COG4: variants seen among roughly 807,000 people sequenced by gnomAD.
COG4 encodes the protein conserved oligomeric Golgi complex subunit 4.
COG4 carries 65 observed loss-of-function variants against 95.1 expected under a neutral mutation model. The ratio of observed to expected loss-of-function variants is 0.68; its 90% CI spans 0.56 to 0.84. The LOEUF is 0.84. Among genes scored for constraint, COG4 ranks in the 40% least tolerant of loss-of-function variants. The pLI, the probability that COG4 is intolerant of heterozygous loss-of-function variation, is 0.00. For missense variants in COG4, 1,045 were observed against 989.1 expected (o/e 1.06, Z -0.76); for synonymous variants, 421 against 374.8 (o/e 1.12, Z -1.42).
chr16:70,482,836 G>C lies in COG4; in HGVS notation c.1828-15C>G, dbSNP rs1198036317. 3 of 1,608,170 alleles carry C rather than the reference G, an allele frequency of 1.9e-6. No homozygotes were observed. The highest frequency in any genetic ancestry group is 2.6e-6 in the Non-Finnish European group (3 of 1,174,980). ...GTCAGCCCTTCCTGCACAAGGACAA[G>C]GTGGAGACATGTGACACAGAAGGCA... On this transcript the variant is annotated splice_polypyrimidine_tract_variant and intron_variant, in intron 14 of 18. Transcript: ENST00000323786.
At chr16:70,485,205 C>CT (rs1262821692) in intron 13 of COG4, among the ~76,000 whole-genome samples, 14,672 of 130,380 alleles carry the variant, frequency 0.11, 2,905 homozygotes, top group African/African-American at 0.4. Context: ...CCCTGTCTCT[C>CT]TTTTTTTTTT....
At chr16:70,494,867 CT>C (rs1362948447) in intron 12 of COG4, among the ~76,000 whole-genome samples, 1 of 152,116 alleles carries the variant, frequency 6.6e-6, no homozygotes, top group Non-Finnish European at 1.5e-5. Context: ...TGGATCTGAT[CT>C]TTTTTTGGCA....
intron 6 of COG4, 80 bp downstream of exon 6, chr16:70,509,836 C>G: frequency 9.7e-7 from 1 of 1,032,266 alleles, no homozygotes; most frequent in Non-Finnish European, 1.5e-6. Context: ...AGTCATCAGG[C>G]TAGAAGGGTG....
chr16:70,497,201 A>C lies in COG4; in HGVS notation c.1481+20T>G. 1 of 1,613,320 alleles carries C rather than the reference A, an allele frequency of 6.2e-7. No individual in the cohort carries two copies. Among genetic ancestry groups the C allele is most frequent in the Non-Finnish European group, 8.5e-7 (1 of 1,179,322 alleles). On this transcript the variant is annotated intron_variant, in intron 11 of 18. Transcript: ENST00000323786. Reference sequence around the variant, plus strand: ...GGAAGGGCCTTTCTGCCTAGAAAGGAGAAAGGGAGTCAACTGTACCTGAAG... The same window carrying C: ...GGAAGGGCCTTTCTGCCTAGAAAGGCGAAAGGGAGTCAACTGTACCTGAAG...
chr16:70,517,302 G>A (rs1012586966), intron 3 of COG4, among the ~76,000 whole-genome samples: 2 of 151,964 alleles, frequency 1.3e-5, no homozygotes, highest in Non-Finnish European at 1.5e-5. Flanking sequence ...AGGCCGAGGC[G>A]GGCAGATCAC....
rs1215483236 is a variant in COG4, at chr16:70,482,753, G to T, written c.1896C>A (p.Phe632Leu). The T allele has an allele frequency of 1.9e-6, 3 of 1,613,880 alleles. No individual in the cohort carries two copies. Among genetic ancestry groups the T allele is most frequent in the Non-Finnish European group, 2.5e-6 (3 of 1,179,904 alleles). ...PQVQPWINSF[F>L]SVSHNIEEEE... ...CCTCCTCGATGTTGTGGGAGACGGAGAAAAAGCTGTTGATCCAAGGCTGCA... is the reference window on the plus strand; with the variant it reads ...CCTCCTCGATGTTGTGGGAGACGGATAAAAAGCTGTTGATCCAAGGCTGCA... The change falls in exon 15 of 19, where the codon TTC (phenylalanine) becomes TTA (leucine). Residue 632 changes from phenylalanine to leucine, a missense_variant. Physicochemically the swap from Phe to Leu is conservative, Grantham distance 22. Transcript: ENST00000323786.
chr16:70,480,903 G>T lies in COG4; in HGVS notation c.*107C>A. On this transcript the variant is annotated 3_prime_UTR_variant, in exon 19 of 19. Transcript: ENST00000323786. ...TGCTGCCAGCCGTAGAAAGGTCTGG[G>T]CTGTCAGATCTCCCCCAAGCCAGAC... The T allele has an allele frequency of 1.5e-6, 2 of 1,341,742 alleles. No homozygotes were observed. The highest frequency in any genetic ancestry group is 2.3e-5 in the East Asian group (1 of 43,392). 83.1% of individuals were successfully genotyped at this position (1,341,742 alleles called of 1,614,324 possible). A position where few individuals can be genotyped will look rare whatever the true frequency, so the allele number is the denominator to read the frequency against.
intron 5 of COG4, among the ~76,000 whole-genome samples, chr16:70,510,642 C>T (rs1203091464): frequency 6.6e-6 from 1 of 152,000 alleles, no homozygotes; most frequent in Non-Finnish European, 1.5e-5. Context: ...ATTAACAGTG[C>T]TTTCTCAAGC....
intron 9 of COG4, 43 bp downstream of exon 9, chr16:70,500,915 A>G: frequency 6.2e-7 from 1 of 1,612,498 alleles, no homozygotes; most frequent in Non-Finnish European, 8.5e-7. Context: ...AACACTGCCA[A>G]TTATACCTCA....
Position 70,496,411 on chromosome 16 carries a change from A to G in COG4, c.1502T>C (p.Leu501Pro). The G allele has an allele frequency of 2.5e-6, 4 of 1,614,152 alleles. No homozygotes were observed. The highest frequency in any genetic ancestry group is 3.4e-6 in the Non-Finnish European group (4 of 1,180,034). Reference protein sequence around the residue: ...SDFRDVLCNKLRMGFPATTFQ... With the variant: ...SDFRDVLCNKPRMGFPATTFQ... ...GGTGGTGGCAGGAAAGCCCATCCGCAGCTTATTACACAGAACATCCCTGGG... is the reference window on the plus strand; with the variant it reads ...GGTGGTGGCAGGAAAGCCCATCCGCGGCTTATTACACAGAACATCCCTGGG... Residue 501 changes from leucine (L) to proline (P), a missense_variant, in exon 12 of 19, where the codon CTG (leucine) becomes CCG (proline). By Grantham distance (98) the Leu-to-Pro change is moderately conservative. Transcript: ENST00000323786.
chr16:70,518,163 C>T lies in COG4; in HGVS notation c.255-423G>A, dbSNP rs180891139. Among the ~76,000 whole-genome samples, 272 of 152,164 alleles carry T rather than the reference C, an allele frequency of 1.8e-3. 6 individuals are homozygous for T. The highest frequency in any genetic ancestry group is 0.017 in the Admixed American group (258 of 15,256). On this transcript the variant is annotated intron_variant, in intron 2 of 18. Transcript: ENST00000323786. ...CCAGGAGATGGTCTTGAACTCTTGA[C>T]CTTGTGATTCAGCCTCCCAAAGTGC...
intron 2 of COG4, among the ~76,000 whole-genome samples, chr16:70,518,213 C>T (rs543441790): frequency 9.9e-5 from 15 of 152,162 alleles, no homozygotes; most frequent in Admixed American, 2.6e-4. Flanking sequence ...TGAGCTACTG[C>T]GCCTGGCCAA....
intron 8 of COG4, among the ~76,000 whole-genome samples, chr16:70,503,244 G>T (rs1421308313): frequency 6.6e-6 from 1 of 152,124 alleles, no homozygotes; most frequent in Non-Finnish European, 1.5e-5. Context: ...TAAAGACGGG[G>T]TTTCCCCATG....
intron 8 of COG4, among the ~76,000 whole-genome samples, chr16:70,506,035 C>T (rs1265457685): frequency 6.6e-6 from 1 of 151,670 alleles, no homozygotes; most frequent in South Asian, 2.1e-4. Context: ...AATTCCAGCA[C>T]TTTGGGAGGC....
intron 13 of COG4, among the ~76,000 whole-genome samples, chr16:70,489,543 G>GTTT (rs371131071): frequency 5.1e-5 from 7 of 137,960 alleles, no homozygotes; most frequent in African/African-American, 8.1e-5. Context: ...AAAAAAAAAA[G>GTTT]TTTTTTTTTT....
chr16:70,501,297 A>AT, intron 8 of COG4: 1 of 596,418 alleles, frequency 1.7e-6, no homozygotes, highest in East Asian at 2.9e-5. Context: ...CACCTAAATC[A>AT]TTCACTCCCT....
intron 1 of COG4, chr16:70,523,028 G>A (rs1280504936): frequency 9.5e-6 from 3 of 315,518 alleles, no homozygotes; most frequent in Non-Finnish European, 1.8e-5. Context: ...TTAAGCCAAT[G>A]CAAAAGGGCG....
intron 1 of COG4, among the ~76,000 whole-genome samples, chr16:70,522,919 T>G (rs1200260070): frequency 6.6e-6 from 1 of 152,102 alleles, no homozygotes; most frequent in Non-Finnish European, 1.5e-5. Flanking sequence ...CACCCCCAAA[T>G]CACTCCCCAC....
At chr16:70,483,830 C>A in intron 14 of COG4, 23 bp downstream of exon 14, 2 of 1,517,388 alleles carry the variant, frequency 1.3e-6, no homozygotes, top group South Asian at 2.2e-5. Context: ...AGGATTCAGT[C>A]AGCAGTTGAA....
Sources: gnomAD v4.1 joint callset for allele counts (sites outside exome capture counted in the v4.1 genomes callset) on GRCh38, gnomAD v4.1.1 for gene constraint, MANE v1.5 for transcripts, NCBI Gene and HGNC (gene_info 2026-07-23, HGNC 2026-07-21) for gene names.